GRM8: variants seen among roughly 807,000 people sequenced by gnomAD.
GRM8 encodes glutamate metabotropic receptor 8, also known as metabotropic glutamate receptor 8.
GRM8 carries 47 observed loss-of-function variants against 87.2 expected under a neutral mutation model. The ratio of observed to expected loss-of-function variants is 0.54; its 90% confidence interval spans 0.43 to 0.69. GRM8 has a LOEUF of 0.69. GRM8 is among the 30% of genes least tolerant of loss of function. GRM8 has a pLI of 0.00. For synonymous variants in GRM8, 396 were observed against 404.5 expected, an observed-to-expected ratio of 0.98 and a Z score of 0.25; for missense variants, 1,019 against 1,139.2, an observed-to-expected ratio of 0.89 and a Z score of 1.52.
rs141191644 is a variant in GRM8, at chr7:127,095,064, C to A, written c.727+11432G>T. On this transcript the variant is annotated intron_variant, in intron 3 of 10. Coordinates refer to ENST00000339582, the MANE Select transcript of GRM8 (RefSeq NM_000845.3). ...GTGAGAATAAAGGCAGAAGAGGAGA[C>A]CCTTCAACCCAGTCAGGTAAAGTTG... Among the ~76,000 whole-genome samples the A allele has an allele frequency of 1.1e-4, 16 of 152,308 alleles. No homozygotes were observed. The East Asian group carries it at 2.5e-3, about 24-fold the overall frequency.
intron 6 of GRM8, among the ~76,000 whole-genome samples, chr7:126,795,961 A>G (rs1821902926): frequency 6.6e-6 from 1 of 152,256 alleles, no homozygotes; most frequent in South Asian, 2.1e-4. Flanking sequence ...CAATAAAATA[A>G]AACATCAATA....
At chr7:126,970,699 G>A (rs1416075149) in intron 3 of GRM8, among the ~76,000 whole-genome samples, 1 of 152,138 alleles carries the variant, frequency 6.6e-6, no homozygotes, top group Non-Finnish European at 1.5e-5. Context: ...CAATTTGGCT[G>A]TTTGGCATAA....
intron 7 of GRM8, among the ~76,000 whole-genome samples, chr7:126,669,349 A>C (rs1363510139): frequency 6.6e-6 from 1 of 152,166 alleles, no homozygotes; most frequent in East Asian, 1.9e-4. Context: ...ATTTTTAAAA[A>C]AAAGTCAACA....
Position 126,680,975 on chromosome 7 carries a change from G to A in GRM8, c.1358-71477C>T, listed in dbSNP as rs116130373. Among the ~76,000 whole-genome samples, 1,043 of 152,176 alleles carry A rather than the reference G, an allele frequency of 6.9e-3. 16 individuals are homozygous for A. Among genetic ancestry groups the A allele is most frequent in the African/African-American group, 0.024 (984 of 41,500 alleles). ...CCTTTCCCCTGTCCATTGTGTGATT[G>A]CTTTAAACAAGAAAAACCAAAATAC... On this transcript the variant is annotated intron_variant, in intron 7 of 10. Coordinates refer to ENST00000339582, the MANE Select transcript of GRM8 (RefSeq NM_000845.3).
intron 3 of GRM8, among the ~76,000 whole-genome samples, chr7:126,951,903 ATATGCATATATTTCCTGGCTC>A (rs1808205668): frequency 6.6e-6 from 1 of 152,016 alleles, no homozygotes; most frequent in Non-Finnish European, 1.5e-5. Flanking sequence ...CAGGTTATTC[ATATGCATATATTTCCTGGCTC>A]TGCCTGCTGA....
At chr7:126,991,690 AC>A (rs753509169) in intron 3 of GRM8, among the ~76,000 whole-genome samples, 17 of 152,194 alleles carry the variant, frequency 1.1e-4, no homozygotes, top group Non-Finnish European at 2.1e-4. Flanking sequence ...ATTATGCAAA[AC>A]ATTTAACTGT....
intron 7 of GRM8, among the ~76,000 whole-genome samples, chr7:126,619,467 A>T (rs1216001720): frequency 2.0e-5 from 3 of 152,152 alleles, no homozygotes; most frequent in Non-Finnish European, 4.4e-5. Flanking sequence ...TACACATGTA[A>T]CAAACCTGCA....
chr7:127,018,204 A>G (rs1274203458), intron 3 of GRM8, among the ~76,000 whole-genome samples: 1 of 152,038 alleles, frequency 6.6e-6, no homozygotes, highest in Non-Finnish European at 1.5e-5. Flanking sequence ...TGCTGGGCAT[A>G]TATAAAGGGC....
chr7:127,193,346 G>C (rs1028910767), intron 2 of GRM8, among the ~76,000 whole-genome samples: 2 of 152,194 alleles, frequency 1.3e-5, no homozygotes, highest in African/African-American at 2.4e-5. Context: ...CAATGGAAGA[G>C]AGAGTTTACA....
intron 7 of GRM8, among the ~76,000 whole-genome samples, chr7:126,720,276 G>A (rs1812243286): frequency 6.6e-6 from 1 of 151,742 alleles, no homozygotes; most frequent in South Asian, 2.1e-4. Flanking sequence ...TGAGTAGCTG[G>A]GACTACAGGC....
chr7:127,181,110 G>T (rs767980044), intron 2 of GRM8, among the ~76,000 whole-genome samples: 2 of 151,812 alleles, frequency 1.3e-5, no homozygotes, highest in Non-Finnish European at 3.0e-5. Context: ...AACTCCTTCA[G>T]AAATCTCCTA....
At chr7:127,210,200 G>GT (rs1004100257) in intron 2 of GRM8, among the ~76,000 whole-genome samples, 3 of 152,298 alleles carry the variant, frequency 2.0e-5, no homozygotes, top group East Asian at 1.9e-4. Flanking sequence ...AAAGATGTTA[G>GT]TTTTTTCAGT....
chr7:126,858,164 A>T (rs1797848807), intron 6 of GRM8, among the ~76,000 whole-genome samples: 1 of 152,126 alleles, frequency 6.6e-6, no homozygotes, highest in South Asian at 2.1e-4. Flanking sequence ...GCTGGATCTG[A>T]GATATACATT....
At chr7:126,809,145 G>A (rs1215518859) in intron 6 of GRM8, among the ~76,000 whole-genome samples, 1 of 152,082 alleles carries the variant, frequency 6.6e-6, no homozygotes, top group Non-Finnish European at 1.5e-5. Flanking sequence ...GAAGCAGTGG[G>A]GCATCTTGAA....
intron 3 of GRM8, among the ~76,000 whole-genome samples, chr7:126,933,453 C>T (rs1272947577): frequency 6.6e-6 from 1 of 152,224 alleles, no homozygotes; most frequent in African/African-American, 2.4e-5. Flanking sequence ...GTTCACACTT[C>T]ACTGGCTACT....
At chr7:126,578,834 C>T (rs2299469) in intron 8 of GRM8, among the ~76,000 whole-genome samples, 46,938 of 151,818 alleles carry the variant, frequency 0.31, 8,125 homozygotes, top group East Asian at 0.44. Context: ...AATTATTAAA[C>T]TTAAAGAGGA....
chr7:126,851,139 G>A (rs917439551), intron 6 of GRM8, among the ~76,000 whole-genome samples: 2 of 151,956 alleles, frequency 1.3e-5, no homozygotes, highest in Non-Finnish European at 2.9e-5. Context: ...ATCCTTTCCA[G>A]TTATTCAGAC....
intron 9 of GRM8, among the ~76,000 whole-genome samples, chr7:126,494,615 T>C (rs1396368338): frequency 6.6e-6 from 1 of 152,034 alleles, no homozygotes; most frequent in Non-Finnish European, 1.5e-5. Context: ...CTACTTATTT[T>C]CTTTTTATTT....
intron 3 of GRM8, among the ~76,000 whole-genome samples, chr7:127,078,284 T>C (rs772807303): frequency 6.6e-6 from 1 of 152,204 alleles, no homozygotes; most frequent in African/African-American, 2.4e-5. Flanking sequence ...TTCATGACAC[T>C]TTTTACACAC....
Sources: gnomAD v4.1 joint callset for allele counts (sites outside exome capture counted in the v4.1 genomes callset) on GRCh38, gnomAD v4.1.1 for gene constraint, MANE v1.5 for transcripts, NCBI Gene and HGNC (gene_info 2026-07-23, HGNC 2026-07-21) for gene names.